VTI1B: variants seen among roughly 807,000 people sequenced by gnomAD.
The protein encoded by VTI1B is vesicle transport through interaction with t-SNAREs homolog 1B.
VTI1B carries 18 observed loss-of-function variants against 28.6 expected under a neutral mutation model. The ratio of observed to expected loss-of-function variants is 0.63; its 90% CI spans 0.43 to 0.93. The LOEUF is 0.93. VTI1B is among the 40% of genes least tolerant of loss of function. VTI1B has a pLI of 0.00. For missense variants in VTI1B, 283 were observed against 297.0 expected (o/e 0.95, Z 0.35); for synonymous variants, 100 against 107.9 (o/e 0.93, Z 0.46).
chr14:67,657,619 CA>C (rs1566812528), intron 3 of VTI1B, among the ~76,000 whole-genome samples: 2 of 140,284 alleles, frequency 1.4e-5, no homozygotes, highest in Non-Finnish European at 3.0e-5. Flanking sequence ...CACACACACA[CA>C]CACCCAAAAT....
chr14:67,651,274 C>T lies in VTI1B; in HGVS notation c.*111G>A, dbSNP rs1430775320. On this transcript the variant is annotated 3_prime_UTR_variant, in exon 6 of 6. Transcript: ENST00000554659. The stretch of plus-strand genomic sequence containing the variant: ...CCTCCCACAGCCTGGCTATACAGTG[C>T]ATCCTTGAACTGTCAGCCCACAGCA... The T allele has an allele frequency of 3.8e-6, 6 of 1,587,990 alleles. No individual in the cohort carries two copies. The highest frequency in any genetic ancestry group is 5.1e-6 in the Non-Finnish European group (6 of 1,167,794).
At chr14:67,668,556 T>C (rs1594841275) in intron 1 of VTI1B, among the ~76,000 whole-genome samples, 2 of 152,326 alleles carry the variant, frequency 1.3e-5, no homozygotes, top group Non-Finnish European at 2.9e-5. Flanking sequence ...CACAATCATA[T>C]ATCAATATTT....
At chr14:67,665,594 A>C (rs1385181504) in intron 1 of VTI1B, among the ~76,000 whole-genome samples, 2 of 152,024 alleles carry the variant, frequency 1.3e-5, no homozygotes, top group African/African-American at 4.8e-5. Flanking sequence ...AGTGACCATA[A>C]ATCATTTTGG....
intron 2 of VTI1B, 141 bp downstream of exon 2, chr14:67,662,336 A>G (rs2037348334): frequency 1.3e-6 from 1 of 744,944 alleles, no homozygotes; most frequent in Non-Finnish European, 2.2e-6. Context: ...AACCATCCCC[A>G]TCAACTGGCT....
Position 67,656,444 on chromosome 14 carries a change from C to T in VTI1B, c.512G>A (p.Arg171Gln), listed in dbSNP as rs761116050. The T allele has an allele frequency of 1.9e-6, 3 of 1,613,402 alleles. No homozygotes were observed. The highest frequency in any genetic ancestry group is 2.2e-5 in the South Asian group (2 of 91,002). The change falls in exon 4 of 6, where the codon CGA becomes CAA. Residue 171 changes from arginine to glutamine, a missense_variant. Transcript: ENST00000554659. ...SEIIEELGEQ[R>Q]DQLERTKSRL... is the part of the protein sequence containing the mutation. ...ACTCTTGGTACGTTCTAACTGGTCT[C>T]GTTGTTCCCCCAGCTCTTCTATGAT...
At chr14:67,671,519 C>CT (rs1205229223) in intron 1 of VTI1B, among the ~76,000 whole-genome samples, 1 of 151,806 alleles carries the variant, frequency 6.6e-6, no homozygotes, top group African/African-American at 2.4e-5. Context: ...GAGCAAGACT[C>CT]TATCTCAAAA....
At chr14:67,670,767 C>A (rs1245832067) in intron 1 of VTI1B, among the ~76,000 whole-genome samples, 1 of 152,146 alleles carries the variant, frequency 6.6e-6, no homozygotes, top group Non-Finnish European at 1.5e-5. Flanking sequence ...ACCTTGTGAT[C>A]CGCCCGCCTA....
At chr14:67,654,781 G>C (rs983782039) in intron 4 of VTI1B, among the ~76,000 whole-genome samples, 3 of 152,060 alleles carry the variant, frequency 2.0e-5, no homozygotes, top group Non-Finnish European at 4.4e-5. Flanking sequence ...TATAATTCTA[G>C]CACTTTGGGA....
chr14:67,650,101 A>G lies in VTI1B; in HGVS notation c.*1284T>C, dbSNP rs1433688163. The G allele has an allele frequency of 6.5e-6, 1 of 153,620 alleles. No individual in the cohort carries two copies. Among genetic ancestry groups the G allele is most frequent in the Non-Finnish European group, 1.4e-5 (1 of 69,036 alleles). The allele number at this position is 153,620 out of a possible 1,614,324, so 9.5% of individuals were successfully genotyped here. The stretch of plus-strand genomic sequence containing the variant: ...GAATTTTCTCTTGATCAAGTACAAG[A>G]CACTGGGTCAGTCTGCTGGGAGACA... On this transcript the variant is annotated 3_prime_UTR_variant, in exon 6 of 6. Coordinates refer to ENST00000554659, the MANE Select transcript of VTI1B (RefSeq NM_006370.3).
At chr14:67,655,513 T>G (rs1475402934) in intron 4 of VTI1B, among the ~76,000 whole-genome samples, 1 of 151,950 alleles carries the variant, frequency 6.6e-6, no homozygotes, top group Non-Finnish European at 1.5e-5. Flanking sequence ...CCTTAGACAT[T>G]TTTTTCCCTA....
At position 67,656,422 on chromosome 14, in the gene VTI1B, C is replaced by G. The variant is rs2037258759; in HGVS notation, c.534G>C (p.Lys178Asn). The G allele has an allele frequency of 6.2e-7, 1 of 1,609,794 alleles. No homozygotes were observed. Among genetic ancestry groups the G allele is most frequent in the South Asian group, 1.1e-5 (1 of 90,422 alleles). ...CCTGTCTGCCCAGACTTACTCTACT[C>G]TTGGTACGTTCTAACTGGTCTCGTT... The part of the protein sequence containing the change: ...GEQRDQLERT[K>N]SRLVNTSENL... Residue 178 changes from lysine (K) to asparagine (N), a missense_variant, in exon 4 of 6, where the codon AAG (lysine) becomes AAC (asparagine). Physicochemically the swap from Lys to Asn is moderately conservative, Grantham distance 94. Transcript: ENST00000554659.
intron 2 of VTI1B, among the ~76,000 whole-genome samples, chr14:67,662,189 AAC>A (rs2037345900): frequency 1.3e-5 from 2 of 152,064 alleles, no homozygotes; most frequent in South Asian, 2.1e-4. Flanking sequence ...CAAAAAAAAA[AAC>A]AACAGATTTT....
chr14:67,651,343 C>CAA lies in VTI1B; in HGVS notation c.*40_*41dup. The CAA allele has an allele frequency of 6.2e-7, 1 of 1,612,332 alleles. No homozygotes were observed. The highest frequency in any genetic ancestry group is 2.2e-5 in the East Asian group (1 of 44,790). On this transcript the variant is annotated 3_prime_UTR_variant, in exon 6 of 6. Coordinates refer to ENST00000554659, the MANE Select transcript of VTI1B (RefSeq NM_006370.3). Reference sequence around the variant, plus strand: ...CCACATCCCTAACATCATGCATTCACAAGGTCAAAGTTCTGGTCCACAAAC... The same window carrying CAA: ...CCACATCCCTAACATCATGCATTCACAAAAGGTCAAAGTTCTGGTCCACAAAC...
At chr14:67,662,445 T>TA (rs768413960) in intron 2 of VTI1B, 32 bp downstream of exon 2, 1 of 1,596,996 alleles carries the variant, frequency 6.3e-7, no homozygotes, top group Admixed American at 1.7e-5. Context: ...CAACACCAGG[T>TA]AGAAGAAACA....
At chr14:67,660,259 T>A (rs1041595254) in intron 2 of VTI1B, 4 of 169,160 alleles carry the variant, frequency 2.4e-5, no homozygotes, top group African/African-American at 9.5e-5. Flanking sequence ...ATTTCATATA[T>A]AAGACTTAAA....
intron 2 of VTI1B, among the ~76,000 whole-genome samples, chr14:67,661,297 A>AAG (rs1461608597): frequency 1.3e-5 from 2 of 148,356 alleles, no homozygotes; most frequent in Non-Finnish European, 3.0e-5. Flanking sequence ...AAAAAAAAAA[A>AAG]AAGTTTTTTT....
At chr14:67,666,226 T>C (rs77311580) in intron 1 of VTI1B, among the ~76,000 whole-genome samples, 5,572 of 152,210 alleles carry the variant, frequency 0.037, 296 homozygotes, top group African/African-American at 0.12. Context: ...AGTCATAAAT[T>C]CTCCTCCTTT....
chr14:67,667,816 C>T (rs780787796), intron 1 of VTI1B, among the ~76,000 whole-genome samples: 3 of 151,996 alleles, frequency 2.0e-5, no homozygotes, highest in East Asian at 1.9e-4. Context: ...TGGTGGTGGG[C>T]GCCTGTAGTC....
Position 67,674,415 on chromosome 14 carries a change from T to G in VTI1B, c.75A>C (p.Leu25=). 6.2e-7 allele frequency: 1 copy of G among 1,607,404 alleles called. No individual in the cohort carries two copies. Among genetic ancestry groups the G allele is most frequent in the East Asian group, 2.2e-5 (1 of 44,524 alleles). ...HEIFRGLHED[L]QGVPERLLGT... is the part of the protein sequence containing the mutation. ...CCAGCAGCCGCTCGGGCACCCCTTG[T>G]AGGTCTTCATGGAGGCCGCGGAAGA... The change falls in exon 1 of 6, where the codon CTA becomes CTC. Residue 25 remains leucine, a synonymous_variant. Transcript: ENST00000554659.
Sources: allele counts gnomAD v4.1 joint callset (sites outside exome capture counted in the v4.1 genomes callset), GRCh38; gene constraint gnomAD v4.1.1; transcripts MANE v1.5; gene names NCBI Gene and HGNC (gene_info 2026-07-23, HGNC 2026-07-21).